Variants in COL14A1 observed in about 807,000 individuals in gnomAD.
COL14A1 encodes collagen type XIV alpha 1 chain.
A neutral mutation model predicts 230.3 loss-of-function variants in COL14A1; 136 were observed. That is an observed-to-expected ratio of 0.59 (90% confidence interval 0.51 to 0.68). The LOEUF (loss-of-function observed/expected upper bound fraction) is 0.68. Ranked by LOEUF, COL14A1 falls within the 30% of genes least tolerant of loss-of-function variation. COL14A1 has a pLI of 0.00. For missense variants in COL14A1, 1,976 were observed against 2,215.8 expected (o/e 0.89, Z 2.17); for synonymous variants, 792 against 784.1 (o/e 1.01, Z -0.17).
intron 40 of COL14A1, among the ~76,000 whole-genome samples, chr8:120,321,643 G>A (rs79574493): frequency 4.8e-5 from 7 of 145,704 alleles, no homozygotes; most frequent in Non-Finnish European, 6.0e-5. Flanking sequence ...ACTTGTCTCA[G>A]AAAAAAAAAA....
Position 120,278,498 on chromosome 8 carries a change from T to A in COL14A1, c.3401T>A (p.Ile1134Asn). The change falls in exon 28 of 48, where the codon ATC (isoleucine) becomes AAC (asparagine). Residue 1134 changes from isoleucine (I) to asparagine (N), a missense_variant. This residue lies in a region of COL14A1 where 1,791 missense variants were observed against 2,019.5 expected (regional missense o/e 0.89). Coordinates refer to ENST00000297848, the MANE Select transcript of COL14A1 (RefSeq NM_021110.4). ...GCAGAGTCAGGTACAAGAAGGGGCA[T>A]CCCAAAGGTTATCGTGGTTATAACT... The part of the protein sequence containing the change: ...FTAESGTRRG[I>N]PKVIVVITDG... 6.2e-7 allele frequency: 1 copy of A among 1,613,252 alleles called. No individual in the cohort carries two copies. The highest frequency in any genetic ancestry group is 1.1e-5 in the South Asian group (1 of 91,028).
intron 5 of COL14A1, among the ~76,000 whole-genome samples, chr8:120,168,464 A>G (rs1194494109): frequency 6.6e-6 from 1 of 152,102 alleles, no homozygotes; most frequent in African/African-American, 2.4e-5. Flanking sequence ...AATGGTGCAT[A>G]TATGTACAGC....
At chr8:120,339,045 G>A (rs555171300) in intron 42 of COL14A1, among the ~76,000 whole-genome samples, 4 of 152,242 alleles carry the variant, frequency 2.6e-5, no homozygotes, top group East Asian at 3.9e-4. Context: ...ATGATGGAAC[G>A]CCTCCCAGGT....
At chr8:120,183,003 G>T (rs995479397) in intron 5 of COL14A1, among the ~76,000 whole-genome samples, 3 of 151,820 alleles carry the variant, frequency 2.0e-5, no homozygotes, top group Non-Finnish European at 4.4e-5. Flanking sequence ...CTGGGATTAC[G>T]GGCAGAAGCC....
In COL14A1 at chr8:120,332,748, CG is replaced by C. The variant is rs781179065; in HGVS notation, c.4785+15del. On this transcript the variant is annotated intron_variant, in intron 42 of 47. Coordinates refer to ENST00000297848, the MANE Select transcript of COL14A1 (RefSeq NM_021110.4). ...CCTGGGACCACCTGTGAGTATGCAG[CG>C]GTAGCTGCTCAGAATGTAGGCCCAG... The C allele has an allele frequency of 3.0e-5, 48 of 1,605,756 alleles. No homozygotes were observed. In the Admixed American group the frequency reaches 7.6e-4, roughly 25 times the overall value.
chr8:120,134,890 G>A (rs1158257731), intron 1 of COL14A1, among the ~76,000 whole-genome samples: 1 of 152,178 alleles, frequency 6.6e-6, no homozygotes, highest in Non-Finnish European at 1.5e-5. Flanking sequence ...CATGAGAATT[G>A]CTTGAACCTG....
In COL14A1 at chr8:120,280,757, T is replaced by C; in HGVS notation, c.3685+8T>C. On this transcript the variant is annotated splice_region_variant and intron_variant, in intron 30 of 47. Transcript: ENST00000297848. ...ATGGCATTGATCTTGCAGGTATGCA[T>C]TATCACAATCTTTTCAAACACAAAA... is the stretch of plus-strand genomic sequence containing the variant. 1 of 1,612,740 alleles carries C rather than the reference T, an allele frequency of 6.2e-7. No individual in the cohort carries two copies. Among genetic ancestry groups the C allele is most frequent in the Non-Finnish European group, 8.5e-7 (1 of 1,179,384 alleles).
chr8:120,158,535 T>A (rs537600615), intron 3 of COL14A1, among the ~76,000 whole-genome samples: 4 of 152,308 alleles, frequency 2.6e-5, no homozygotes, highest in African/African-American at 9.6e-5. Flanking sequence ...AACTTAAATA[T>A]ACAATGCACC....
intron 34 of COL14A1, among the ~76,000 whole-genome samples, 164 bp downstream of exon 34, chr8:120,289,930 AAAT>A (rs1208022113): frequency 6.6e-6 from 1 of 152,202 alleles, no homozygotes; most frequent in Non-Finnish European, 1.5e-5. Context: ...ATGGATAAAT[AAAT>A]AATGGCCTCT....
chr8:120,160,984 T>C lies in COL14A1; in HGVS notation c.206-1442T>C, dbSNP rs1203286933. Among the ~76,000 whole-genome samples the C allele has an allele frequency of 3.3e-5, 5 of 152,186 alleles. No homozygotes were observed. The East Asian group carries it at 9.6e-4, about 29-fold the overall frequency. On this transcript the variant is annotated intron_variant, in intron 3 of 47. Coordinates refer to ENST00000297848, the MANE Select transcript of COL14A1 (RefSeq NM_021110.4). ...GAGGGACTCTAATATACAGGGTTTG[T>C]TTTTTGAGAAACTTTTTTTTAGTGA... is the stretch of plus-strand genomic sequence containing the variant.
chr8:120,270,259 A>G, intron 26 of COL14A1, 85 bp downstream of exon 26: 1 of 1,358,544 alleles, frequency 7.4e-7, no homozygotes, highest in South Asian at 1.4e-5. Context: ...CAGGGACTAT[A>G]GGTCAAGAAC....
In COL14A1 at chr8:120,281,001, T is replaced by C. The variant is rs1371959999; in HGVS notation, c.3766T>C (p.Phe1256Leu). ...VEGVSMEPGTFNVFPCYQLHK... is the reference protein window; with the variant it reads ...VEGVSMEPGTLNVFPCYQLHK... Reference sequence around the variant, plus strand: ...AGGGGTTTCTATGGAGCCTGGTACCTTCAATGTGTTTCCATGTTACCAACT... The same window carrying C: ...AGGGGTTTCTATGGAGCCTGGTACCCTCAATGTGTTTCCATGTTACCAACT... The change falls in exon 31 of 48, where the codon TTC becomes CTC. Residue 1256 changes from phenylalanine (F) to leucine (L), a missense_variant. By Grantham distance (22) the Phe-to-Leu change is conservative. This residue lies in a region of COL14A1 where 1,791 missense variants were observed against 2,019.5 expected (regional missense o/e 0.89). Coordinates refer to ENST00000297848, the MANE Select transcript of COL14A1 (RefSeq NM_021110.4). 2.5e-6 allele frequency: 4 copies of C among 1,613,252 alleles called. No homozygotes were observed. The highest frequency in any genetic ancestry group is 2.5e-6 in the Non-Finnish European group (3 of 1,179,530).
At chr8:120,181,598 T>C (rs1329873538) in intron 5 of COL14A1, among the ~76,000 whole-genome samples, 1 of 152,178 alleles carries the variant, frequency 6.6e-6, no homozygotes, top group African/African-American at 2.4e-5. Flanking sequence ...TAAAATTTCA[T>C]GAAGAGGTGA....
chr8:120,173,660 A>ATCTATCTATCTG (rs1816172612), intron 5 of COL14A1, among the ~76,000 whole-genome samples: 2 of 150,364 alleles, frequency 1.3e-5, no homozygotes, highest in East Asian at 3.9e-4. Flanking sequence ...CTATCTATCT[A>ATCTATCTATCTG]TCTATCTATC....
intron 2 of COL14A1, among the ~76,000 whole-genome samples, chr8:120,149,031 C>T (rs1815186554): frequency 6.6e-6 from 1 of 152,172 alleles, no homozygotes; most frequent in Non-Finnish European, 1.5e-5. Context: ...ATGTGTCCCG[C>T]AAAGCCAAAA....
chr8:120,250,785 G>A lies in COL14A1; in HGVS notation c.2752+19G>A, dbSNP rs764686302. The A allele has an allele frequency of 1.2e-6, 2 of 1,613,034 alleles. No homozygotes were observed. On this transcript the variant is annotated intron_variant, in intron 22 of 47. Coordinates refer to ENST00000297848, the MANE Select transcript of COL14A1 (RefSeq NM_021110.4). ...AAAACATGTAAGAGCCATTTCCGAT[G>A]GCCTCAGCCGCATATGGGTTTTTGT...
intron 5 of COL14A1, among the ~76,000 whole-genome samples, chr8:120,173,749 C>A (rs1239408821): frequency 2.0e-5 from 3 of 151,528 alleles, no homozygotes; most frequent in African/African-American, 7.3e-5. Context: ...TTTATTTTAG[C>A]CCTCCTTCTT....
intron 26 of COL14A1, among the ~76,000 whole-genome samples, chr8:120,273,988 A>G (rs1207777632): frequency 6.6e-6 from 1 of 151,816 alleles, no homozygotes; most frequent in Non-Finnish European, 1.5e-5. Context: ...TTGTGAAGCC[A>G]GTATTACCTG....
chr8:120,358,076 T>G (rs376319572), intron 45 of COL14A1, among the ~76,000 whole-genome samples: 38 of 152,344 alleles, frequency 2.5e-4, no homozygotes, highest in African/African-American at 9.1e-4. Context: ...ACAGTAATAA[T>G]AAGCTATAAC....
Sources: allele counts gnomAD v4.1 joint callset (sites outside exome capture counted in the v4.1 genomes callset), GRCh38; gene constraint gnomAD v4.1.1; regional missense constraint gnomAD v4.1.1; transcripts MANE v1.5; gene names NCBI Gene and HGNC (gene_info 2026-07-23, HGNC 2026-07-21).